The following ANK2 variants were observed in gnomAD, a reference collection of about 807,000 sequenced individuals.
ANK2 encodes ankyrin-2.
A neutral mutation model predicts 360.5 loss-of-function variants in ANK2; 83 were observed. That is an observed-to-expected ratio of 0.23 (90% confidence interval 0.19 to 0.28). The LOEUF (loss-of-function observed/expected upper bound fraction) is 0.28. Among genes scored for constraint, ANK2 ranks in the 10% least tolerant of loss-of-function variants. The pLI is 1.00. For synonymous variants in ANK2, 1,740 were observed against 1,759.5 expected (o/e 0.99, Z 0.28); for missense variants, 4,201 against 4,795.7 (o/e 0.88, Z 3.66).
chr4:113,182,796 A>G (rs958804794), intron 2 of ANK2, among the ~76,000 whole-genome samples: 7 of 152,208 alleles, frequency 4.6e-5, no homozygotes, highest in African/African-American at 1.4e-4. Flanking sequence ...TGACGGGCAG[A>G]CCAAGGACTG....
At chr4:112,820,039 C>T (rs909643561) in intron 1 of ANK2, among the ~76,000 whole-genome samples, 6 of 152,242 alleles carry the variant, frequency 3.9e-5, no homozygotes, top group African/African-American at 1.4e-4. Flanking sequence ...GATTTCTCTG[C>T]AGACACACAT....
At chr4:113,161,931 C>A (rs2097551095) in intron 1 of ANK2, among the ~76,000 whole-genome samples, 1 of 152,116 alleles carries the variant, frequency 6.6e-6, no homozygotes, top group Non-Finnish European at 1.5e-5. Context: ...GGCCATCTCC[C>A]AGAGGTCACT....
chr4:112,985,693 C>T (rs996696379), intron 2 of ANK2, among the ~76,000 whole-genome samples: 2 of 152,144 alleles, frequency 1.3e-5, no homozygotes, highest in Non-Finnish European at 2.9e-5. Flanking sequence ...CTTTAGTCTC[C>T]TTATTCAAGT....
intron 1 of ANK2, among the ~76,000 whole-genome samples, chr4:113,072,819 T>C (rs149785340): frequency 0.017 from 2,526 of 150,692 alleles, 72 homozygotes; most frequent in African/African-American, 0.058. Flanking sequence ...GATTGTTTAT[T>C]GGGTGCTATA....
In ANK2 at chr4:113,355,414, A is replaced by G. The variant is rs1374552321; in HGVS notation, c.6796A>G (p.Lys2266Glu). ...EQTGETKEST[K>E]TETTTEIRSE... The stretch of plus-strand genomic sequence containing the variant: ...AACTGGGGAAACAAAGGAAAGCACC[A>G]AGACAGAAACCACCACAGAAATTCG... The change falls in exon 38 of 46, where the codon AAG (lysine) becomes GAG (glutamate). Residue 2266 changes from lysine to glutamate, a missense_variant. Lys to Glu is a moderately conservative substitution (Grantham distance 56). Coordinates refer to ENST00000357077, the MANE Select transcript of ANK2 (RefSeq NM_001148.6). 7 of 1,614,026 alleles carry G rather than the reference A, an allele frequency of 4.3e-6. No individual in the cohort carries two copies. The highest frequency in any genetic ancestry group is 5.9e-6 in the Non-Finnish European group (7 of 1,179,974).
chr4:112,912,792 T>C (rs1178161811), intron 2 of ANK2, among the ~76,000 whole-genome samples: 1 of 152,050 alleles, frequency 6.6e-6, no homozygotes. Flanking sequence ...GGTGGGAGGA[T>C]AGCTAGAGCC....
At chr4:113,156,101 A>T (rs1412053975) in intron 1 of ANK2, among the ~76,000 whole-genome samples, 1 of 152,240 alleles carries the variant, frequency 6.6e-6, no homozygotes, top group African/African-American at 2.4e-5. Flanking sequence ...AGGGACAAAG[A>T]TGTACATACA....
At chr4:112,966,944 G>T (rs138870689) in intron 2 of ANK2, among the ~76,000 whole-genome samples, 3 of 152,230 alleles carry the variant, frequency 2.0e-5, no homozygotes, top group Non-Finnish European at 2.9e-5. Context: ...GAGGGCCTTG[G>T]GGGGAGCATG....
chr4:113,324,082 G>A (rs1447372528), intron 26 of ANK2, among the ~76,000 whole-genome samples: 2 of 152,164 alleles, frequency 1.3e-5, no homozygotes, highest in Non-Finnish European at 2.9e-5. Context: ...AGCTTCTTTT[G>A]TGAGAAAAAG....
chr4:112,831,663 C>G (rs549042011), intron 1 of ANK2, among the ~76,000 whole-genome samples: 1 of 152,310 alleles, frequency 6.6e-6, no homozygotes, highest in East Asian at 1.9e-4. Context: ...GCCAGCACTC[C>G]TCGGGTCCTC....
intron 2 of ANK2, among the ~76,000 whole-genome samples, chr4:112,984,311 A>G (rs1160674185): frequency 6.6e-6 from 1 of 152,202 alleles, no homozygotes; most frequent in Non-Finnish European, 1.5e-5. Context: ...AGAAAGGTTT[A>G]ATGGATTTAC....
intron 13 of ANK2, among the ~76,000 whole-genome samples, chr4:113,261,073 A>C (rs1437979165): frequency 2.0e-5 from 3 of 152,196 alleles, no homozygotes; most frequent in African/African-American, 7.2e-5. Context: ...GAGTGGCATG[A>C]AATTTAGTAC....
At chr4:113,036,317 A>C (rs2061593021) in intron 2 of ANK2, among the ~76,000 whole-genome samples, 1 of 152,074 alleles carries the variant, frequency 6.6e-6, no homozygotes, top group South Asian at 2.1e-4. Flanking sequence ...TGAAACAAAC[A>C]AAAAGAAAAT....
At chr4:112,771,590 C>CTTT in the ANK2 span, among the ~76,000 whole-genome samples, 2 of 147,270 alleles carry the variant, frequency 1.4e-5, no homozygotes, top group African/African-American at 2.5e-5. Flanking sequence ...GCTGGGGAAA[C>CTTT]TTTTTTTTTT....
At chr4:112,987,637 G>A (rs2045382159) in intron 2 of ANK2, among the ~76,000 whole-genome samples, 1 of 150,948 alleles carries the variant, frequency 6.6e-6, no homozygotes, top group Non-Finnish European at 1.5e-5. Flanking sequence ...CTCTGTGAGA[G>A]CAGTGTTGGA....
At chr4:112,792,749 C>T in the ANK2 span, among the ~76,000 whole-genome samples, 1 of 152,028 alleles carries the variant, frequency 6.6e-6, no homozygotes, top group Admixed American at 6.6e-5. Flanking sequence ...TTCCATCTTC[C>T]CTGCTTAGTT....
chr4:113,022,241 C>T (rs537205136), intron 2 of ANK2, among the ~76,000 whole-genome samples: 2 of 152,284 alleles, frequency 1.3e-5, no homozygotes, highest in African/African-American at 4.8e-5. Flanking sequence ...ACACAATTCC[C>T]ATCTTTTATG....
At chr4:113,292,246 G>A (rs2153743461) in intron 20 of ANK2, among the ~76,000 whole-genome samples, 170 bp from the exon 21 acceptor site, 1 of 152,284 alleles carries the variant, frequency 6.6e-6, no homozygotes, top group Non-Finnish European at 1.5e-5. Flanking sequence ...AGACCATAAG[G>A]TGTGAGGGAG....
At chr4:113,329,499 C>T (rs953380729) in intron 26 of ANK2, among the ~76,000 whole-genome samples, 2 of 152,104 alleles carry the variant, frequency 1.3e-5, no homozygotes, top group Non-Finnish European at 2.9e-5. Context: ...AATCATGATA[C>T]AGATGATACA....
Sources: gnomAD v4.1 joint callset for allele counts (sites outside exome capture counted in the v4.1 genomes callset) on GRCh38, gnomAD v4.1.1 for gene constraint, MANE v1.5 for transcripts, NCBI Gene and HGNC (gene_info 2026-07-23, HGNC 2026-07-21) for gene names.